Variants in CDH7 observed in about 807,000 individuals in gnomAD.
CDH7 encodes the protein cadherin-7.
CDH7 carries 25 observed loss-of-function variants against 71.8 expected under a neutral mutation model. The observed-to-expected ratio is 0.35, with a 90% CI of 0.25 to 0.49. The LOEUF is 0.49. CDH7 is among the 20% of genes least tolerant of loss of function. The pLI, the probability that CDH7 is intolerant of heterozygous loss-of-function variation, is 0.99. For synonymous variants in CDH7, 381 were observed against 363.8 expected (o/e 1.05, Z -0.54); for missense variants, 862 against 974.6 (o/e 0.88, Z 1.54).
At chr18:65,819,338 G>T (rs997692171) in intron 4 of CDH7, among the ~76,000 whole-genome samples, 1 of 152,120 alleles carries the variant, frequency 6.6e-6, no homozygotes, top group Non-Finnish European at 1.5e-5. Context: ...GTTCGGGCAC[G>T]CTGCCTGTGA....
At chr18:65,807,265 T>G (rs1316260538) in intron 2 of CDH7, among the ~76,000 whole-genome samples, 1 of 152,070 alleles carries the variant, frequency 6.6e-6, no homozygotes, top group Non-Finnish European at 1.5e-5. Flanking sequence ...AAACGCAGCA[T>G]CAGAGCTCAG....
chr18:65,821,565 A>G (rs77502664), intron 4 of CDH7, among the ~76,000 whole-genome samples: 3,806 of 152,270 alleles, frequency 0.025, 161 homozygotes, highest in East Asian at 0.22. Context: ...TTGAATGCCT[A>G]AAATATAGAT....
intron 2 of CDH7, among the ~76,000 whole-genome samples, chr18:65,806,014 T>C (rs533715206): frequency 1.8e-4 from 27 of 152,238 alleles, no homozygotes; most frequent in Non-Finnish European, 8.8e-5. Context: ...TCAGATACAA[T>C]AGACTCATGG....
intron 6 of CDH7, among the ~76,000 whole-genome samples, chr18:65,833,477 T>C (rs55828127): frequency 0.075 from 11,486 of 152,218 alleles, 677 homozygotes; most frequent in African/African-American, 0.16. Flanking sequence ...TTTCTTAAAA[T>C]TGAGCAATGA....
intron 2 of CDH7, among the ~76,000 whole-genome samples, chr18:65,781,878 C>T (rs373738977): frequency 9.7e-6 from 1 of 102,646 alleles, no homozygotes; most frequent in African/African-American, 5.2e-5. Flanking sequence ...CTCTCTCTCT[C>T]TGTCTCTCTC....
chr18:65,761,518 AT>A (rs1417545967), intron 1 of CDH7, among the ~76,000 whole-genome samples: 1 of 130,840 alleles, frequency 7.6e-6, no homozygotes, highest in Non-Finnish European at 1.6e-5. Context: ...TCAACACTAT[AT>A]TTTTCTCCTC....
At chr18:65,879,765 G>A (rs1599071075) in intron 11 of CDH7, among the ~76,000 whole-genome samples, 1 of 152,286 alleles carries the variant, frequency 6.6e-6, no homozygotes, top group African/African-American at 2.4e-5. Context: ...GAGAGTTGCT[G>A]AAAATCTCAC....
chr18:65,879,472 ACT>A (rs1371373445), intron 11 of CDH7, among the ~76,000 whole-genome samples: 1 of 152,130 alleles, frequency 6.6e-6, no homozygotes, highest in Non-Finnish European at 1.5e-5. Flanking sequence ...ATTCAACAAT[ACT>A]CTTTTTATTT....
At position 65,887,995 on chromosome 18, in the gene CDH7, A is replaced by G. The variant is rs953611732; in HGVS notation, c.*7101A>G. On this transcript the variant is annotated 3_prime_UTR_variant, in exon 12 of 12. Coordinates refer to ENST00000397968, the MANE Select transcript of CDH7 (RefSeq NM_004361.5). The stretch of plus-strand genomic sequence containing the variant: ...CTTCTATAGTAAAAGAGCCTTAAAA[A>G]TGTTAATTCAATTGACTGCAGAATT... 3.9e-5 allele frequency: 6 copies of G among 152,176 alleles called. No individual in the cohort carries two copies. The highest frequency in any genetic ancestry group is 9.7e-5 in the African/African-American group (4 of 41,446). The allele number at this position is 152,176 out of a possible 1,614,324, so 9.4% of individuals were successfully genotyped here. A position where few individuals can be genotyped will look rare whatever the true frequency, so the allele number is the denominator to read the frequency against.
At chr18:65,872,223 C>T (rs1375851338) in intron 11 of CDH7, among the ~76,000 whole-genome samples, 1 of 152,064 alleles carries the variant, frequency 6.6e-6, no homozygotes, top group Non-Finnish European at 1.5e-5. Context: ...AAAAAAAGGG[C>T]CACAAAGTGC....
intron 11 of CDH7, chr18:65,865,334 A>T (rs1485113667): frequency 6.6e-6 from 1 of 152,150 alleles, no homozygotes; most frequent in African/African-American, 2.4e-5. Context: ...GTGTCTGTGC[A>T]TAAAAGTTTG....
intron 11 of CDH7, among the ~76,000 whole-genome samples, chr18:65,869,545 ATTTTTTTTT>A (rs10696115): frequency 1.1e-3 from 104 of 91,380 alleles, no homozygotes; most frequent in Admixed American, 7.7e-3. Flanking sequence ...AAGTGGGTCA[ATTTTTTTTT>A]TTTTTTTTTT....
At chr18:65,853,126 A>G (rs1913208135) in intron 7 of CDH7, among the ~76,000 whole-genome samples, 2 of 152,182 alleles carry the variant, frequency 1.3e-5, no homozygotes, top group South Asian at 4.1e-4. Flanking sequence ...GTCCGCTCCA[A>G]TATACACTAA....
intron 7 of CDH7, among the ~76,000 whole-genome samples, chr18:65,851,463 A>T (rs1599050944): frequency 6.6e-6 from 1 of 152,262 alleles, no homozygotes; most frequent in East Asian, 1.9e-4. Context: ...GTGAACACTG[A>T]TATGTAAATT....
At chr18:65,829,740 T>TG (rs772663009) in intron 6 of CDH7, among the ~76,000 whole-genome samples, 3 of 151,096 alleles carry the variant, frequency 2.0e-5, no homozygotes, top group South Asian at 2.1e-4. Flanking sequence ...GCACAGCGCC[T>TG]GTACCAGCAA....
intron 1 of CDH7, among the ~76,000 whole-genome samples, chr18:65,753,642 A>T (rs1241538256): frequency 6.6e-6 from 1 of 152,224 alleles, no homozygotes; most frequent in Non-Finnish European, 1.5e-5. Flanking sequence ...AGGGGAGCTG[A>T]GGACAAGGAA....
At chr18:65,855,826 T>C (rs964486283) in intron 7 of CDH7, among the ~76,000 whole-genome samples, 12 of 152,114 alleles carry the variant, frequency 7.9e-5, no homozygotes, top group African/African-American at 2.9e-4. Context: ...CATGCAAATA[T>C]TTTCCACAGA....
At chr18:65,766,922 A>AAATT in intron 2 of CDH7, among the ~76,000 whole-genome samples, 1 of 136,940 alleles carries the variant, frequency 7.3e-6, no homozygotes, top group African/African-American at 2.7e-5. Flanking sequence ...AAAAAAAAAA[A>AAATT]GTCTACAAAA....
chr18:65,876,129 A>C (rs1244284891), intron 11 of CDH7, among the ~76,000 whole-genome samples: 1 of 152,070 alleles, frequency 6.6e-6, no homozygotes. Flanking sequence ...TACTGTATTT[A>C]TCTGTGAATA....
Sources: allele counts gnomAD v4.1 joint callset (sites outside exome capture counted in the v4.1 genomes callset), GRCh38; gene constraint gnomAD v4.1.1; transcripts MANE v1.5; gene names NCBI Gene and HGNC (gene_info 2026-07-23, HGNC 2026-07-21).